The following GLT1D1 variants were observed in gnomAD, a reference collection of about 807,000 sequenced individuals.
The protein encoded by GLT1D1 is glycosyltransferase 1 domain containing 1.
Under a neutral mutation model 28.7 loss-of-function variants are expected in GLT1D1, and 21 were observed. That is an observed-to-expected ratio of 0.73 (90% CI 0.52 to 1.05). The LOEUF (loss-of-function observed/expected upper bound fraction) is 1.05, where lower values mean the gene tolerates loss of function less well. Ranked by LOEUF, GLT1D1 falls within the 50% of genes least tolerant of loss-of-function variation. GLT1D1 has a pLI of 0.00. For missense variants in GLT1D1, 343 were observed against 330.6 expected, an observed-to-expected ratio of 1.04 and a Z score of -0.29; for synonymous variants, 147 against 124.8, an observed-to-expected ratio of 1.18 and a Z score of -1.19.
chr12:128,911,864 A>G (rs1871562477), intron 4 of GLT1D1, among the ~76,000 whole-genome samples: 1 of 152,074 alleles, frequency 6.6e-6, no homozygotes, highest in South Asian at 2.1e-4. Flanking sequence ...GTAACTTACC[A>G]GACGCTTTCC....
intron 7 of GLT1D1, among the ~76,000 whole-genome samples, chr12:128,977,772 CTTTTTTCTTTTTT>C (rs1357679260): frequency 1.2e-3 from 32 of 26,132 alleles, no homozygotes; most frequent in African/African-American, 2.9e-3. Context: ...TTTCTTTTTT[CTTTTTTCTTTTTT>C]TTTTTTTTTT....
chr12:128,903,976 G>A (rs914974277), intron 4 of GLT1D1, among the ~76,000 whole-genome samples: 8 of 151,740 alleles, frequency 5.3e-5, no homozygotes, highest in Non-Finnish European at 8.8e-5. Context: ...TGATCCGCCC[G>A]CCTTGGCCTC....
At chr12:128,939,400 A>T (rs1349588286) in intron 4 of GLT1D1, among the ~76,000 whole-genome samples, 1 of 130,994 alleles carries the variant, frequency 7.6e-6, no homozygotes, top group Non-Finnish European at 1.6e-5. Context: ...TGTCTCTACT[A>T]AAAAAAAAAA....
chr12:128,983,085 G>A lies in GLT1D1; in HGVS notation c.796G>A (p.Asp266Asn). 1 of 1,613,600 alleles carries A rather than the reference G, an allele frequency of 6.2e-7. No individual in the cohort carries two copies. The highest frequency in any genetic ancestry group is 8.5e-7 in the Non-Finnish European group (1 of 1,179,792). The change falls in exon 8 of 8, where the codon GAT becomes AAT. Residue 266 changes from aspartate to asparagine, a missense_variant. Coordinates refer to ENST00000281703, the MANE Select transcript of GLT1D1 (RefSeq NM_144669.3). The surrounding 1 kb of genome is among the most constrained non-coding windows in gnomAD (Gnocchi z 4.7). ...CAGGAAGCTGGAAGGAAGCACTGAA[G>A]ATTGAGGGCCCCGCCTCATCAGACA...
chr12:128,856,395 A>C (rs957285611), intron 1 of GLT1D1, among the ~76,000 whole-genome samples: 1 of 152,148 alleles, frequency 6.6e-6, no homozygotes, highest in Non-Finnish European at 1.5e-5. Context: ...CATTTTACCC[A>C]GCCCTTATTC....
rs763439856 is a variant in GLT1D1, at chr12:128,969,156, C to G, written c.639+11513C>G. Reference sequence around the variant, plus strand: ...CCTTCCTCCCTCTCAGTCTCTGTTTCTCTGATTGTCTCTTCCTCTGTCTCT... The same window carrying G: ...CCTTCCTCCCTCTCAGTCTCTGTTTGTCTGATTGTCTCTTCCTCTGTCTCT... On this transcript the variant is annotated intron_variant, in intron 7 of 7. Coordinates refer to ENST00000281703, the MANE Select transcript of GLT1D1 (RefSeq NM_144669.3). Among the ~76,000 whole-genome samples, 176 of 120,020 alleles carry G rather than the reference C, an allele frequency of 1.5e-3. 1 individual carries two copies. Among genetic ancestry groups the G allele is most frequent in the Admixed American group, 4.6e-3 (61 of 13,184 alleles). The allele number at this position is 120,020 out of a possible 152,430, so 78.7% of individuals were successfully genotyped here.
intron 4 of GLT1D1, among the ~76,000 whole-genome samples, chr12:128,943,834 G>A (rs1317521859): frequency 1.3e-5 from 2 of 152,176 alleles, no homozygotes; most frequent in Non-Finnish European, 2.9e-5. Context: ...GTTCCACAAC[G>A]CTGGAGATGT....
At chr12:128,914,855 C>T in intron 4 of GLT1D1, 78 bp from the exon 6 acceptor site, 3 of 942,492 alleles carry the variant, frequency 3.2e-6, no homozygotes, top group Non-Finnish European at 4.9e-6. Context: ...TAATAATAAG[C>T]CTCAACACAA....
intron 3 of GLT1D1, among the ~76,000 whole-genome samples, chr12:128,897,064 C>T (rs1052801560): frequency 2.6e-5 from 4 of 152,316 alleles, no homozygotes; most frequent in Non-Finnish European, 4.4e-5. Context: ...CCTTTGTCAA[C>T]ATTGGGCATT....
chr12:128,923,934 C>T (rs966650495), intron 4 of GLT1D1, among the ~76,000 whole-genome samples: 2 of 151,740 alleles, frequency 1.3e-5, no homozygotes, highest in Non-Finnish European at 2.9e-5. Flanking sequence ...AACATATTTT[C>T]TCATTAAAAA....
rs34715979 is a variant in GLT1D1 at position 128,855,746 on chromosome 12, C to CTTTTTTTTT, written c.68+2113_68+2121dup. On this transcript the variant is annotated intron_variant, in intron 1 of 7. Coordinates refer to ENST00000281703, the MANE Select transcript of GLT1D1 (RefSeq NM_144669.3). ...AGCAGCCCCAAGGGCTGCTGGTTGC[C>CTTTTTTTTT]TTTTTTTTTTTTTTTTTTTTTTTTG... Among the ~76,000 whole-genome samples the CTTTTTTTTT allele has an allele frequency of 9.5e-5, 9 of 95,178 alleles. 1 individual carries two copies. The South Asian group carries it at 1.8e-3, about 19-fold the overall frequency. 62.4% of individuals were successfully genotyped at this position (95,178 alleles called of 152,430 possible). A position where few individuals can be genotyped will look rare whatever the true frequency, so the allele number is the denominator to read the frequency against.
At chr12:128,946,152 G>A (rs1876041251) in intron 5 of GLT1D1, among the ~76,000 whole-genome samples, 1 of 152,200 alleles carries the variant, frequency 6.6e-6, no homozygotes, top group Non-Finnish European at 1.5e-5. Flanking sequence ...TCGGGGAAGG[G>A]AGGCCTGGCA....
At chr12:128,962,195 G>C (rs1484939399) in intron 7 of GLT1D1, among the ~76,000 whole-genome samples, 1 of 152,202 alleles carries the variant, frequency 6.6e-6, no homozygotes, top group African/African-American at 2.4e-5. Flanking sequence ...CTCCAGTGAG[G>C]GGTTGAACAC....
At chr12:128,919,967 C>T (rs1872490747) in intron 4 of GLT1D1, among the ~76,000 whole-genome samples, 1 of 7,898 alleles carries the variant, frequency 1.3e-4, no homozygotes, top group African/African-American at 2.6e-4. Context: ...CTCTCTCTCT[C>T]TCTCTCTCTC....
chr12:128,903,422 A>G (rs1478542906), intron 4 of GLT1D1, among the ~76,000 whole-genome samples: 1 of 151,718 alleles, frequency 6.6e-6, no homozygotes, highest in African/African-American at 2.4e-5. Flanking sequence ...CAGCGGGTGG[A>G]GATACGGTCC....
intron 6 of GLT1D1, among the ~76,000 whole-genome samples, chr12:128,948,131 C>T (rs1043166709): frequency 1.3e-5 from 2 of 152,120 alleles, no homozygotes; most frequent in Non-Finnish European, 2.9e-5. Flanking sequence ...TGGGCTGTGT[C>T]CCCTCTTCTG....
chr12:128,979,077 C>T (rs1880073753), intron 7 of GLT1D1, among the ~76,000 whole-genome samples: 1 of 152,176 alleles, frequency 6.6e-6, no homozygotes, highest in Non-Finnish European at 1.5e-5. Context: ...GGAATGCAGC[C>T]CAGCAGGTCT....
At chr12:128,949,264 G>A (rs1052147675) in intron 6 of GLT1D1, among the ~76,000 whole-genome samples, 4 of 152,064 alleles carry the variant, frequency 2.6e-5, no homozygotes, top group Non-Finnish European at 1.5e-5. Flanking sequence ...CGGATGAATC[G>A]CTGTCAAACC....
chr12:128,961,425 C>T (rs1877929496), intron 7 of GLT1D1, among the ~76,000 whole-genome samples: 1 of 152,166 alleles, frequency 6.6e-6, no homozygotes, highest in Admixed American at 6.5e-5. Context: ...TGTCCATCAA[C>T]AGATGAATGC....
Sources: allele counts gnomAD v4.1 joint callset (sites outside exome capture counted in the v4.1 genomes callset), GRCh38; gene constraint gnomAD v4.1.1; non-coding constraint Gnocchi (gnomAD v3.1); transcripts MANE v1.5; gene names NCBI Gene and HGNC (gene_info 2026-07-23, HGNC 2026-07-21).